The following ULK4 variants were observed in gnomAD, a reference collection of about 807,000 sequenced individuals.
The protein encoded by ULK4 is inactive serine/threonine-protein kinase ULK4.
ULK4 carries 133 observed loss-of-function variants against 160.6 expected under a neutral mutation model. The ratio of observed to expected loss-of-function variants is 0.83; its 90% CI spans 0.72 to 0.96. The LOEUF (loss-of-function observed/expected upper bound fraction) is 0.96, where lower values mean the gene tolerates loss of function less well. Among genes scored for constraint, ULK4 ranks in the 40% least tolerant of loss-of-function variants. ULK4 has a pLI of 0.00. For missense variants in ULK4, 1,580 were observed against 1,499.5 expected (o/e 1.05, Z -0.89); for synonymous variants, 534 against 539.8 (o/e 0.99, Z 0.15).
intron 17 of ULK4, among the ~76,000 whole-genome samples, chr3:41,856,469 A>G (rs1467564754): frequency 2.0e-5 from 3 of 147,680 alleles, no homozygotes; most frequent in Non-Finnish European, 4.5e-5. Context: ...CAGGAATGGG[A>G]TACAAAGTAC....
chr3:41,300,837 TTATA>T (rs66602936), intron 35 of ULK4, among the ~76,000 whole-genome samples: 1,555 of 57,402 alleles, frequency 0.027, 41 homozygotes, highest in Middle Eastern at 0.053. Flanking sequence ...ATTTTACAGA[TTATA>T]TATATATATA....
chr3:41,651,243 A>G (rs1200941238), intron 30 of ULK4, among the ~76,000 whole-genome samples: 3 of 152,110 alleles, frequency 2.0e-5, no homozygotes, highest in African/African-American at 7.2e-5. Context: ...GCTTGCTTTT[A>G]AATACTGCAG....
At chr3:41,616,532 T>C (rs1412892188) in intron 30 of ULK4, among the ~76,000 whole-genome samples, 1 of 152,072 alleles carries the variant, frequency 6.6e-6, no homozygotes. Context: ...ACCAGGGAAG[T>C]GCAAGGGGCT....
chr3:41,807,322 GA>G (rs2040676495), intron 19 of ULK4, among the ~76,000 whole-genome samples: 1 of 152,092 alleles, frequency 6.6e-6, no homozygotes, highest in African/African-American at 2.4e-5. Flanking sequence ...ATAGGTCTTG[GA>G]TTGTAGGGAG....
chr3:41,901,172 CTT>C (rs201425733), intron 12 of ULK4, among the ~76,000 whole-genome samples: 104 of 119,878 alleles, frequency 8.7e-4, no homozygotes, highest in African/African-American at 3.4e-3. Flanking sequence ...AGCATGGCTT[CTT>C]TTTTTTTTTT....
At chr3:41,288,198 A>C (rs1160767786) in intron 35 of ULK4, among the ~76,000 whole-genome samples, 1 of 152,132 alleles carries the variant, frequency 6.6e-6, no homozygotes, top group Non-Finnish European at 1.5e-5. Flanking sequence ...CAAGTAGTAG[A>C]CATCTCTGTG....
chr3:41,455,609 A>G lies in ULK4; in HGVS notation c.3394-14T>C, dbSNP rs1174193963. 1 of 1,612,794 alleles carries G rather than the reference A, an allele frequency of 6.2e-7. No homozygotes were observed. Among genetic ancestry groups the G allele is most frequent in the East Asian group, 2.2e-5 (1 of 44,852 alleles). On this transcript the variant is annotated splice_polypyrimidine_tract_variant and intron_variant, in intron 33 of 36. Transcript: ENST00000301831. Reference sequence around the variant, plus strand: ...AGACTTCTGGGCCTGGAACAGAGAGAAGAGAAATGAAAGACGGTCTTGGTG... The same window carrying G: ...AGACTTCTGGGCCTGGAACAGAGAGGAGAGAAATGAAAGACGGTCTTGGTG...
chr3:41,677,037 G>A (rs9822310), intron 29 of ULK4, among the ~76,000 whole-genome samples: 4,271 of 150,410 alleles, frequency 0.028, 204 homozygotes, highest in African/African-American at 0.1. Flanking sequence ...CTACTGAGTA[G>A]CTGGGACTAC....
chr3:41,667,991 C>A (rs995039836), intron 29 of ULK4, among the ~76,000 whole-genome samples: 3 of 152,156 alleles, frequency 2.0e-5, no homozygotes, highest in African/African-American at 7.2e-5. Context: ...TGGGAGAAAA[C>A]TGAAACTCGC....
intron 35 of ULK4, among the ~76,000 whole-genome samples, chr3:41,257,893 T>C (rs1013794298): frequency 2.0e-5 from 3 of 152,214 alleles, no homozygotes; most frequent in African/African-American, 7.2e-5. Context: ...TAGAATGAGA[T>C]ATTAGTAAAA....
At chr3:41,876,363 T>C (rs1697301290) in intron 17 of ULK4, among the ~76,000 whole-genome samples, 1 of 152,228 alleles carries the variant, frequency 6.6e-6, no homozygotes, top group Non-Finnish European at 1.5e-5. Context: ...TAACCATTAA[T>C]GTTAAAAACA....
At chr3:41,559,787 G>A (rs1313144832) in intron 32 of ULK4, among the ~76,000 whole-genome samples, 1 of 151,724 alleles carries the variant, frequency 6.6e-6, no homozygotes, top group East Asian at 1.9e-4. Flanking sequence ...TTTGTCAGAT[G>A]GGTAGACTGC....
chr3:41,505,956 AT>A (rs1361642215), intron 32 of ULK4, among the ~76,000 whole-genome samples: 1 of 152,118 alleles, frequency 6.6e-6, no homozygotes, highest in East Asian at 1.9e-4. Context: ...TGGTAATCTT[AT>A]TTATCAAACT....
intron 32 of ULK4, among the ~76,000 whole-genome samples, chr3:41,482,398 G>C (rs998582709): frequency 2.6e-5 from 4 of 152,182 alleles, no homozygotes; most frequent in Admixed American, 1.3e-4. Context: ...CCAGAAGCTG[G>C]GTTACGACAA....
chr3:41,390,967 A>C lies in ULK4; in HGVS notation c.3678+7112T>G, dbSNP rs199654085. 6.7e-3 allele frequency among the ~76,000 whole-genome samples: 1,014 copies of C among 151,908 alleles called. 3 individuals are homozygous for C. Among genetic ancestry groups the C allele is most frequent in the African/African-American group, 0.015 (623 of 41,426 alleles). On this transcript the variant is annotated intron_variant, in intron 35 of 36. Coordinates refer to ENST00000301831, the MANE Select transcript of ULK4 (RefSeq NM_017886.4). ...CTCCCATCCCCCTTCCCTTCCCTTCACAGCCTCTAGAACTCTCTGTTTTAC... is the reference window on the plus strand; with the variant it reads ...CTCCCATCCCCCTTCCCTTCCCTTCCCAGCCTCTAGAACTCTCTGTTTTAC...
Position 41,594,060 on chromosome 3 carries a change from G to A in ULK4, c.3120+21609C>T, listed in dbSNP as rs78877990. 9.4e-3 allele frequency among the ~76,000 whole-genome samples: 1,435 copies of A among 152,044 alleles called. 14 individuals are homozygous for A. Among genetic ancestry groups the A allele is most frequent in the East Asian group, 0.039 (200 of 5,164 alleles). ...ACTGTGTCGAAAGAGAGAAAAGAGA[G>A]AGAGGGGAGGGAAAGGGAAAGGAAG... On this transcript the variant is annotated intron_variant, in intron 31 of 36. Transcript: ENST00000301831.
chr3:41,826,794 A>C (rs1352326005), intron 18 of ULK4, among the ~76,000 whole-genome samples: 11 of 146,002 alleles, frequency 7.5e-5, no homozygotes, highest in Admixed American at 6.8e-4. Context: ...GAACACAGCT[A>C]TGCACCAAGC....
chr3:41,755,741 G>A (rs1045987554), intron 21 of ULK4, among the ~76,000 whole-genome samples: 2 of 152,192 alleles, frequency 1.3e-5, no homozygotes, highest in African/African-American at 4.8e-5. Context: ...ATAACTGACT[G>A]CAATTCAAGA....
intron 32 of ULK4, among the ~76,000 whole-genome samples, chr3:41,477,968 A>G (rs1460009444): frequency 1.3e-5 from 2 of 152,264 alleles, no homozygotes; most frequent in Admixed American, 1.3e-4. Context: ...AAGTGCTAAT[A>G]CAAGACCACA....
Sources: allele counts gnomAD v4.1 joint callset (sites outside exome capture counted in the v4.1 genomes callset), GRCh38; gene constraint gnomAD v4.1.1; transcripts MANE v1.5; gene names NCBI Gene and HGNC (gene_info 2026-07-23, HGNC 2026-07-21).